Variants in ABCA13 observed in about 807,000 individuals in gnomAD.
The protein encoded by ABCA13 is ATP binding cassette subfamily A member 13.
ABCA13 carries 476 observed loss-of-function variants against 478.7 expected under a neutral mutation model. That is an observed-to-expected ratio of 0.99 (90% CI 0.92 to 1.07). ABCA13 has a LOEUF of 1.07. ABCA13 is among the 50% of genes least tolerant of loss of function. The pLI, the probability that ABCA13 is intolerant of heterozygous loss-of-function variation, is 0.00. For missense variants in ABCA13, 6,060 were observed against 5,910.6 expected (o/e 1.03, Z -0.83); for synonymous variants, 2,252 against 2,158.9 (o/e 1.04, Z -1.20).
At chr7:48,495,504 T>C (rs971970388) in intron 48 of ABCA13, among the ~76,000 whole-genome samples, 6 of 152,208 alleles carry the variant, frequency 3.9e-5, no homozygotes, top group Admixed American at 6.5e-5. Context: ...AAAAGTATTC[T>C]ACTCTTGTTG....
chr7:48,436,580 C>T (rs1209153379), intron 42 of ABCA13, among the ~76,000 whole-genome samples: 1 of 151,402 alleles, frequency 6.6e-6, no homozygotes, highest in Non-Finnish European at 1.5e-5. Context: ...CTTTTTTCTT[C>T]TTTTCTTATT....
intron 8 of ABCA13, among the ~76,000 whole-genome samples, chr7:48,236,744 C>A (rs887488999): frequency 7.9e-5 from 12 of 152,220 alleles, no homozygotes; most frequent in African/African-American, 2.4e-4. Flanking sequence ...ATTTCATCTG[C>A]AGCCTTAAAT....
chr7:48,555,455 C>T (rs981407488), intron 55 of ABCA13, among the ~76,000 whole-genome samples: 4 of 151,806 alleles, frequency 2.6e-5, no homozygotes, highest in Admixed American at 2.6e-4. Context: ...ATCATTGGGT[C>T]CCAGGCTTTA....
rs1316229052 is a variant in ABCA13, at chr7:48,297,162, A to G, written c.9120-70A>G. On this transcript the variant is annotated intron_variant, in intron 21 of 61. Transcript: ENST00000435803. ...TCCATCTCTTGGGAGCTGAGGCAGT[A>G]TTATTCATTCCAACACTGTTTCTGA... is the stretch of plus-strand genomic sequence containing the variant. 56 of 1,255,400 alleles carry G rather than the reference A, an allele frequency of 4.5e-5. 2 individuals carry two copies. The South Asian group carries it at 6.9e-4, about 16-fold the overall frequency. 77.8% of individuals were successfully genotyped at this position (1,255,400 alleles called of 1,614,324 possible).
intron 1 of ABCA13, among the ~76,000 whole-genome samples, chr7:48,183,297 A>C (rs1584012195): frequency 6.6e-6 from 1 of 152,204 alleles, no homozygotes; most frequent in South Asian, 2.1e-4. Context: ...ATTTAAAAAT[A>C]TATTTAGACT....
At chr7:48,345,200 C>T (rs1343425876) in intron 29 of ABCA13, among the ~76,000 whole-genome samples, 2 of 152,200 alleles carry the variant, frequency 1.3e-5, no homozygotes, top group African/African-American at 4.8e-5. Flanking sequence ...AAGTCTAGCA[C>T]ACACAATTAT....
At chr7:48,238,515 C>G (rs1284402957) in intron 8 of ABCA13, among the ~76,000 whole-genome samples, 1 of 150,552 alleles carries the variant, frequency 6.6e-6, no homozygotes, top group Non-Finnish European at 1.5e-5. Context: ...GTTGCCCAGG[C>G]TGGAGTGCAG....
At chr7:48,172,776 C>A (rs560642125) in intron 1 of ABCA13, among the ~76,000 whole-genome samples, 1 of 115,796 alleles carries the variant, frequency 8.6e-6, no homozygotes, top group Non-Finnish European at 1.6e-5. Flanking sequence ...CCAGCCTGGG[C>A]GACAGAGCGA....
intron 42 of ABCA13, among the ~76,000 whole-genome samples, chr7:48,438,571 C>T (rs1407051938): frequency 7.5e-6 from 1 of 133,766 alleles, no homozygotes; most frequent in Non-Finnish European, 1.6e-5. Flanking sequence ...ACATACTCAG[C>T]CTTTTTTTTT....
intron 50 of ABCA13, 60 bp from the exon 51 acceptor site, chr7:48,511,024 T>A: frequency 1.5e-6 from 2 of 1,330,578 alleles, no homozygotes; most frequent in South Asian, 2.4e-5. Flanking sequence ...GATAAGTAGA[T>A]GATAATAAAT....
At position 48,309,033 on chromosome 7, in the gene ABCA13, GCACACACACA is replaced by G. The variant is rs10523187; in HGVS notation, c.9322-891_9322-882del. ...CCTTGTCATTATGAGACACATGACT[GCACACACACA>G]CACACACACACACACACACACATTC... is the stretch of plus-strand genomic sequence containing the variant. On this transcript the variant is annotated intron_variant, in intron 23 of 61. Transcript: ENST00000435803. Among the ~76,000 whole-genome samples the G allele has an allele frequency of 1.1e-4, 15 of 138,156 alleles. No individual in the cohort carries two copies. The East Asian group carries it at 3.0e-3, about 27-fold the overall frequency. 90.6% of individuals were successfully genotyped at this position (138,156 alleles called of 152,430 possible). A position where few individuals can be genotyped will look rare whatever the true frequency, so the allele number is the denominator to read the frequency against.
intron 46 of ABCA13, 56 bp downstream of exon 46, chr7:48,481,210 A>T: frequency 7.4e-7 from 1 of 1,342,706 alleles, no homozygotes; most frequent in Non-Finnish European, 1.0e-6. Flanking sequence ...TGGAAAACTT[A>T]TTGTTTTAAA....
At chr7:48,267,604 A>G (rs993856415) in intron 15 of ABCA13, among the ~76,000 whole-genome samples, 9 of 152,162 alleles carry the variant, frequency 5.9e-5, no homozygotes, top group African/African-American at 2.2e-4. Flanking sequence ...TGTAAATTAT[A>G]TATTAGGTTG....
At chr7:48,409,546 T>C (rs143639625) in intron 39 of ABCA13, among the ~76,000 whole-genome samples, 250 of 152,310 alleles carry the variant, frequency 1.6e-3, no homozygotes, top group African/African-American at 5.8e-3. Context: ...CTGTGGTTCA[T>C]GGCTACTGTG....
At chr7:48,470,262 T>C (rs918106481) in intron 44 of ABCA13, among the ~76,000 whole-genome samples, 37 of 152,158 alleles carry the variant, frequency 2.4e-4, no homozygotes, top group African/African-American at 8.5e-4. Flanking sequence ...AAACTACCTG[T>C]CATGGGTCAT....
chr7:48,512,941 G>A (rs1434800442), intron 51 of ABCA13, among the ~76,000 whole-genome samples: 5 of 152,192 alleles, frequency 3.3e-5, no homozygotes, highest in Admixed American at 6.5e-5. Context: ...GGGAAGAAGA[G>A]CCCCCAAGGA....
chr7:48,639,452 G>A (rs375497583), intron 59 of ABCA13, among the ~76,000 whole-genome samples: 1 of 152,186 alleles, frequency 6.6e-6, no homozygotes, highest in African/African-American at 2.4e-5. Flanking sequence ...CTGAGGCAGC[G>A]GGGACCCCAT....
At chr7:48,404,288 C>T (rs1439029808) in intron 39 of ABCA13, 3 of 251,000 alleles carry the variant, frequency 1.2e-5, no homozygotes, top group Non-Finnish European at 2.4e-5. Context: ...GAGAAAGTTT[C>T]CTGAACTGAG....
rs775867111 is a variant in ABCA13 at position 48,273,234 on chromosome 7, G to A, written c.3568G>A (p.Val1190Met). 1 of 1,613,660 alleles carries A rather than the reference G, an allele frequency of 6.2e-7. No individual in the cohort carries two copies. Among genetic ancestry groups the A allele is most frequent in the East Asian group, 2.2e-5 (1 of 44,852 alleles). Residue 1190 changes from valine to methionine, a missense_variant, in exon 17 of 62, where the codon GTG (valine) becomes ATG (methionine). Physicochemically the swap from Val to Met is conservative, Grantham distance 21. This residue lies in a region of ABCA13 where 4,423 missense variants were observed against 4,309.1 expected (regional missense o/e 1.03). Coordinates refer to ENST00000435803, the MANE Select transcript of ABCA13 (RefSeq NM_152701.5). ...TQLLDELEDD[V>M]KVSKSCQGIL... ...GCTTTTGGATGAATTGGAAGATGAT[G>A]TGAAAGTCTCTAAAAGCTGCCAGGG...
Sources: allele counts gnomAD v4.1 joint callset (sites outside exome capture counted in the v4.1 genomes callset), GRCh38; gene constraint gnomAD v4.1.1; regional missense constraint gnomAD v4.1.1; transcripts MANE v1.5; gene names NCBI Gene and HGNC (gene_info 2026-07-23, HGNC 2026-07-21).